ANKS1B: variants seen among roughly 807,000 people sequenced by gnomAD.
ANKS1B encodes the protein ankyrin repeat and sterile alpha motif domain-containing protein 1B.
A neutral mutation model predicts 148.3 loss-of-function variants in ANKS1B; 36 were observed. The observed-to-expected ratio is 0.24, with a 90% CI of 0.19 to 0.32. The LOEUF is 0.32. Among genes scored for constraint, ANKS1B ranks in the 10% least tolerant of loss-of-function variants. ANKS1B has a pLI of 1.00. For missense variants in ANKS1B, 1,157 were observed against 1,542.6 expected (o/e 0.75, Z 4.19); for synonymous variants, 542 against 560.8 (o/e 0.97, Z 0.47).
At chr12:99,527,808 G>C (rs948199803) in intron 9 of ANKS1B, among the ~76,000 whole-genome samples, 1 of 150,950 alleles carries the variant, frequency 6.6e-6, no homozygotes, top group Non-Finnish European at 1.5e-5. Context: ...AAATAACTTT[G>C]ATTAAAATGT....
intron 12 of ANKS1B, among the ~76,000 whole-genome samples, chr12:99,285,752 G>A (rs2079046144): frequency 6.6e-6 from 1 of 152,066 alleles, no homozygotes; most frequent in Admixed American, 6.6e-5. Context: ...TGTGTGCTTG[G>A]GGGAGGAAGA....
chr12:98,838,597 C>T (rs2099388483), intron 17 of ANKS1B, among the ~76,000 whole-genome samples: 2 of 152,198 alleles, frequency 1.3e-5, no homozygotes, highest in Admixed American at 1.3e-4. Flanking sequence ...CGACTGCATC[C>T]TTTTTATTTC....
chr12:98,837,155 C>A (rs2099370761), intron 17 of ANKS1B, among the ~76,000 whole-genome samples: 2 of 143,100 alleles, frequency 1.4e-5, no homozygotes, highest in South Asian at 5.0e-4. Flanking sequence ...CACAGTGAAA[C>A]CCCGTCTCTA....
intron 1 of ANKS1B, among the ~76,000 whole-genome samples, chr12:99,958,161 C>T (rs10860545): frequency 0.61 from 93,057 of 151,860 alleles, 30,047 homozygotes; most frequent in African/African-American, 0.75. Flanking sequence ...AAGGGAAAGA[C>T]GGACATTCTG....
chr12:98,819,495 T>C (rs2099167227), intron 19 of ANKS1B, among the ~76,000 whole-genome samples: 3 of 152,226 alleles, frequency 2.0e-5, no homozygotes, highest in South Asian at 4.1e-4. Flanking sequence ...TTTCAGAAGA[T>C]ATCATGAACT....
At chr12:99,708,498 C>A (rs768575757) in intron 8 of ANKS1B, among the ~76,000 whole-genome samples, 1 of 152,096 alleles carries the variant, frequency 6.6e-6, no homozygotes, top group Non-Finnish European at 1.5e-5. Context: ...AGTCAAGGTG[C>A]CACAAGGGCT....
At chr12:98,867,720 G>T (rs2099632116) in intron 17 of ANKS1B, among the ~76,000 whole-genome samples, 1 of 151,954 alleles carries the variant, frequency 6.6e-6, no homozygotes, top group Non-Finnish European at 1.5e-5. Context: ...AAATTAGTGG[G>T]GTGTGGTGGC....
At chr12:99,732,965 A>T (rs561727568) in intron 8 of ANKS1B, among the ~76,000 whole-genome samples, 4 of 152,138 alleles carry the variant, frequency 2.6e-5, no homozygotes, top group Non-Finnish European at 5.9e-5. Context: ...GTGAAAATTC[A>T]ATGTAAAAAT....
At chr12:99,926,766 A>G (rs2094487023) in intron 1 of ANKS1B, among the ~76,000 whole-genome samples, 1 of 152,208 alleles carries the variant, frequency 6.6e-6, no homozygotes, top group African/African-American at 2.4e-5. Context: ...AACTCCTGCT[A>G]AAGCATCCCG....
intron 14 of ANKS1B, among the ~76,000 whole-genome samples, chr12:99,207,188 C>T (rs1359407252): frequency 6.6e-6 from 1 of 152,134 alleles, no homozygotes; most frequent in African/African-American, 2.4e-5. Context: ...ACCAAAGTGA[C>T]ATATTTTGGG....
chr12:99,138,779 T>C lies in ANKS1B; in HGVS notation c.2526+15510A>G, dbSNP rs2069017367. Among the ~76,000 whole-genome samples the C allele has an allele frequency of 2.6e-5, 4 of 152,158 alleles. No individual in the cohort carries two copies. The South Asian group carries it at 8.3e-4, about 32-fold the overall frequency. On this transcript the variant is annotated intron_variant, in intron 15 of 26. Transcript: ENST00000683438. ...CTTTGTTCATTGTTCCATTCACTGT[T>C]ATGTCCTTCACCCCGTTCTTTACTG...
In ANKS1B at chr12:98,758,780, C is replaced by CTTTT. The variant is rs59375322; in HGVS notation, c.3580-7262_3580-7259dup. Among the ~76,000 whole-genome samples the CTTTT allele has an allele frequency of 3.6e-3, 431 of 120,612 alleles. 22 individuals are homozygous for CTTTT. Among genetic ancestry groups the CTTTT allele is most frequent in the South Asian group, 0.034 (118 of 3,480 alleles). The allele number at this position is 120,612 out of a possible 152,430, so 79.1% of individuals were successfully genotyped here. ...TTTTTCTTTTCTTTTCTTTTCCTTC[C>CTTTT]TTTTTTTTTTTTTTTTTTGAGATAG... On this transcript the variant is annotated intron_variant, in intron 25 of 26. Coordinates refer to ENST00000683438, the MANE Select transcript of ANKS1B (RefSeq NM_001352186.2).
chr12:99,498,899 G>A (rs2096629599), intron 10 of ANKS1B, among the ~76,000 whole-genome samples: 1 of 152,212 alleles, frequency 6.6e-6, no homozygotes, highest in South Asian at 2.1e-4. Context: ...CTCCAGATCA[G>A]TTAGTTGGCC....
intron 2 of ANKS1B, among the ~76,000 whole-genome samples, chr12:99,813,860 A>T (rs1343164792): frequency 6.6e-6 from 1 of 151,752 alleles, no homozygotes; most frequent in Non-Finnish European, 1.5e-5. Context: ...CCAGCTATGC[A>T]AACTACCTGA....
At chr12:99,372,150 A>C (rs2152473653) in intron 12 of ANKS1B, among the ~76,000 whole-genome samples, 1 of 152,230 alleles carries the variant, frequency 6.6e-6, no homozygotes, top group Non-Finnish European at 1.5e-5. Flanking sequence ...TGGTGTGTTA[A>C]TGTAGGTTCA....
At chr12:99,425,170 A>G (rs1594565173) in intron 11 of ANKS1B, among the ~76,000 whole-genome samples, 1 of 152,088 alleles carries the variant, frequency 6.6e-6, no homozygotes, top group Non-Finnish European at 1.5e-5. Context: ...ATATAAACAC[A>G]CACCCACAGT....
intron 8 of ANKS1B, among the ~76,000 whole-genome samples, chr12:99,761,392 T>A (rs2062101687): frequency 6.6e-6 from 1 of 151,998 alleles, no homozygotes; most frequent in Admixed American, 6.6e-5. Flanking sequence ...TGATTAAACA[T>A]ATACAAACCA....
chr12:98,980,726 A>C (rs2099908774), intron 17 of ANKS1B, among the ~76,000 whole-genome samples: 1 of 152,180 alleles, frequency 6.6e-6, no homozygotes, highest in Non-Finnish European at 1.5e-5. Context: ...AAGCCAAACA[A>C]AAATCCAGAT....
chr12:99,087,997 A>C (rs1384865764), intron 15 of ANKS1B, among the ~76,000 whole-genome samples: 1 of 152,246 alleles, frequency 6.6e-6, no homozygotes, highest in Non-Finnish European at 1.5e-5. Context: ...GAAGGTGTTG[A>C]GTACATAAGA....
Sources: gnomAD v4.1 joint callset for allele counts (sites outside exome capture counted in the v4.1 genomes callset) on GRCh38, gnomAD v4.1.1 for gene constraint, MANE v1.5 for transcripts, NCBI Gene and HGNC (gene_info 2026-07-23, HGNC 2026-07-21) for gene names.